The following COL15A1 variants were observed in gnomAD, a reference collection of about 807,000 sequenced individuals.
COL15A1 encodes the protein collagen type XV alpha 1 chain.
A neutral mutation model predicts 165.9 loss-of-function variants in COL15A1; 111 were observed. The observed-to-expected ratio is 0.67, with a 90% CI of 0.57 to 0.78. The LOEUF is 0.78. Among genes scored for constraint, COL15A1 ranks in the 30% least tolerant of loss-of-function variants. The pLI is 0.00. For synonymous variants in COL15A1, 659 were observed against 674.8 expected, an observed-to-expected ratio of 0.98 and a Z score of 0.36; for missense variants, 1,745 against 1,789.7, an observed-to-expected ratio of 0.98 and a Z score of 0.45.
At chr9:98,992,668 A>C (rs1205965824) in intron 5 of COL15A1, among the ~76,000 whole-genome samples, 1 of 152,242 alleles carries the variant, frequency 6.6e-6, no homozygotes, top group Non-Finnish European at 1.5e-5. Flanking sequence ...TCGCTATTGT[A>C]TGCATGATTT....
intron 21 of COL15A1, among the ~76,000 whole-genome samples, chr9:99,036,841 G>T (rs1443956055): frequency 6.6e-6 from 1 of 152,220 alleles, no homozygotes; most frequent in Admixed American, 6.5e-5. Flanking sequence ...AGACGGACTT[G>T]CCCATGGGTT....
At chr9:99,011,423 A>AAAAAAAAAAAAC (rs548063268) in intron 9 of COL15A1, among the ~76,000 whole-genome samples, 2 of 135,136 alleles carry the variant, frequency 1.5e-5, no homozygotes, top group Non-Finnish European at 3.1e-5. Context: ...AAAAAAAAAA[A>AAAAAAAAAAAAC]AGTCATTTTA....
At chr9:98,983,200 G>A (rs368858345) in intron 2 of COL15A1, among the ~76,000 whole-genome samples, 67 of 152,194 alleles carry the variant, frequency 4.4e-4, no homozygotes, top group South Asian at 6.2e-4. Context: ...TGAGTGTTGC[G>A]GAGTTGAGAT....
At chr9:99,047,745 C>CT (rs1247605668) in intron 26 of COL15A1, 41 bp from the exon 27 acceptor site, 1 of 1,607,014 alleles carries the variant, frequency 6.2e-7, no homozygotes, top group Admixed American at 1.7e-5. Context: ...TGAACCAAGA[C>CT]TTTCTGTTCT....
At chr9:99,024,523 A>G (rs191941862) in intron 14 of COL15A1, among the ~76,000 whole-genome samples, 1 of 152,046 alleles carries the variant, frequency 6.6e-6, no homozygotes, top group African/African-American at 2.4e-5. Flanking sequence ...TGACCTTGTG[A>G]TCTGTCCTGA....
rs1837664783 is a variant in COL15A1, at chr9:98,950,527, CTT to C, written c.100+6278_100+6279del. ...TTCCTTCCTTCCTTCCCTTCCCTTCCTTCCTTCCCTTCCCTTCCCTTCCCCTT... is the reference window on the plus strand; with the variant it reads ...TTCCTTCCTTCCTTCCCTTCCCTTCCCCTTCCCTTCCCTTCCCTTCCCCTT... On this transcript the variant is annotated intron_variant, in intron 2 of 41. Transcript: ENST00000375001. Among the ~76,000 whole-genome samples, 3 of 119,498 alleles carry C rather than the reference CTT, an allele frequency of 2.5e-5. No homozygotes were observed. In the Admixed American group the frequency reaches 2.6e-4, roughly 10 times the overall value. The allele number at this position is 119,498 out of a possible 152,430, so 78.4% of individuals were successfully genotyped here. A position where few individuals can be genotyped will look rare whatever the true frequency, so the allele number is the denominator to read the frequency against.
At chr9:99,023,594 CT>C in intron 14 of COL15A1, 145 bp downstream of exon 14, 1 of 563,168 alleles carries the variant, frequency 1.8e-6, no homozygotes. Context: ...GTTCATTCTA[CT>C]TTTCCTTGTG....
chr9:98,990,399 G>A (rs1427005473), intron 5 of COL15A1, among the ~76,000 whole-genome samples: 1 of 152,202 alleles, frequency 6.6e-6, no homozygotes, highest in African/African-American at 2.4e-5. Context: ...GATGAATGAA[G>A]TCAAGGGTCC....
At chr9:98,944,581 G>T (rs1019036398) in intron 2 of COL15A1, among the ~76,000 whole-genome samples, 7 of 152,378 alleles carry the variant, frequency 4.6e-5, no homozygotes, top group Admixed American at 2.6e-4. Flanking sequence ...CGCACCCAGC[G>T]CCAGCAGCTT....
chr9:98,975,290 T>A (rs1838125056), intron 2 of COL15A1, among the ~76,000 whole-genome samples: 1 of 152,156 alleles, frequency 6.6e-6, no homozygotes, highest in African/African-American at 2.4e-5. Flanking sequence ...CCAGCTACAG[T>A]TCTCTAGGGA....
chr9:99,047,910 G>T, intron 27 of COL15A1, 31 bp from the exon 28 acceptor site: 3 of 1,608,588 alleles, frequency 1.9e-6, no homozygotes, highest in Non-Finnish European at 2.6e-6. Flanking sequence ...GTGGGCGGAG[G>T]GTTTACTGAG....
intron 11 of COL15A1, among the ~76,000 whole-genome samples, chr9:99,019,684 C>A (rs1341716176): frequency 6.6e-6 from 1 of 151,844 alleles, no homozygotes; most frequent in African/African-American, 2.4e-5. Context: ...TTCTTCACTT[C>A]TCTCTGTCAC....
chr9:98,963,540 G>A (rs1408587485), intron 2 of COL15A1, among the ~76,000 whole-genome samples: 2 of 152,210 alleles, frequency 1.3e-5, no homozygotes, highest in African/African-American at 4.8e-5. Flanking sequence ...ATTCCCCAGT[G>A]CTGCTTGATC....
chr9:98,987,225 C>T, intron 3 of COL15A1, 69 bp from the exon 4 acceptor site: 1 of 1,458,154 alleles, frequency 6.9e-7, no homozygotes, highest in Non-Finnish European at 9.5e-7. Flanking sequence ...CCAAAACAAT[C>T]ATGTCTTCCA....
intron 2 of COL15A1, among the ~76,000 whole-genome samples, chr9:98,982,790 C>T (rs796767799): frequency 6.6e-6 from 1 of 152,042 alleles, no homozygotes; most frequent in African/African-American, 2.4e-5. Flanking sequence ...TACAGGTGCA[C>T]ACCACCTGGC....
At chr9:98,984,969 T>G (rs1425889443) in intron 2 of COL15A1, among the ~76,000 whole-genome samples, 1 of 152,206 alleles carries the variant, frequency 6.6e-6, no homozygotes, top group African/African-American at 2.4e-5. Flanking sequence ...TTTTTGTATT[T>G]TTAGTAGAGA....
At chr9:98,977,697 G>A (rs1408426826) in intron 2 of COL15A1, among the ~76,000 whole-genome samples, 1 of 144,672 alleles carries the variant, frequency 6.9e-6, no homozygotes, top group African/African-American at 2.6e-5. Context: ...CATGTGTCCT[G>A]TCTTGAATGG....
intron 16 of COL15A1, among the ~76,000 whole-genome samples, 162 bp downstream of exon 16, chr9:99,026,128 C>T (rs752820841): frequency 2.6e-5 from 4 of 152,202 alleles, no homozygotes; most frequent in African/African-American, 9.7e-5. Context: ...TGGGACTCAT[C>T]ATGCCCAAGC....
At chr9:99,052,205 T>G (rs1489294436) in intron 30 of COL15A1, among the ~76,000 whole-genome samples, 183 bp from the exon 31 acceptor site, 1 of 152,212 alleles carries the variant, frequency 6.6e-6, no homozygotes, top group African/African-American at 2.4e-5. Context: ...GTTTAAAGCC[T>G]GGGATGTCTG....
Sources: allele counts gnomAD v4.1 joint callset (sites outside exome capture counted in the v4.1 genomes callset), GRCh38; gene constraint gnomAD v4.1.1; transcripts MANE v1.5; gene names NCBI Gene and HGNC (gene_info 2026-07-23, HGNC 2026-07-21).